The following TMED5 variants were observed in gnomAD, a reference collection of about 807,000 sequenced individuals.
The protein encoded by TMED5 is transmembrane emp24 domain-containing protein 5.
A neutral mutation model predicts 23.0 loss-of-function variants in TMED5; 27 were observed. The ratio of observed to expected loss-of-function variants is 1.17; its 90% CI spans 0.86 to 1.62. The LOEUF (loss-of-function observed/expected upper bound fraction) is 1.62. Among genes scored for constraint, TMED5 ranks in the 40% most tolerant of loss-of-function variants. The pLI, the probability that TMED5 is intolerant of heterozygous loss-of-function variation, is 0.00. For missense variants in TMED5, 248 were observed against 273.7 expected, an observed-to-expected ratio of 0.91 and a Z score of 0.66; for synonymous variants, 97 against 100.8, an observed-to-expected ratio of 0.96 and a Z score of 0.23.
At position 93,151,880 on chromosome 1, in the gene TMED5, T is replaced by C. The variant is rs1647885505; in HGVS notation, c.*2790A>G. 6.6e-6 allele frequency: 1 copy of C among 152,220 alleles called. No homozygotes were observed. The highest frequency in any genetic ancestry group is 1.5e-5 in the Non-Finnish European group (1 of 68,032). The allele number at this position is 152,220 out of a possible 1,614,324, so 9.4% of individuals were successfully genotyped here. On this transcript the variant is annotated 3_prime_UTR_variant, in exon 4 of 4. Coordinates refer to ENST00000370282, the MANE Select transcript of TMED5 (RefSeq NM_016040.5). ...TTTGATAATTTTTATTATATACATA[T>C]CAGTACTCACAATACGTTGCTTATT...
At position 93,180,208 on chromosome 1, in the gene TMED5, A is replaced by C. The variant is rs142387027; in HGVS notation, c.35T>G (p.Leu12Arg). 5.6e-6 allele frequency: 9 copies of C among 1,612,846 alleles called. No homozygotes were observed. Among genetic ancestry groups the C allele is most frequent in the Non-Finnish European group, 6.8e-6 (8 of 1,179,630 alleles). The stretch of plus-strand genomic sequence containing the variant: ...CACCGGAGGCAGAGCGGCCAGAAGG[A>C]GCACGGGGAAGGGCAGCCAGATCTT... Reference protein sequence around the residue: ...GDKIWLPFPVLLLAALPPVLL... With the variant: ...GDKIWLPFPVRLLAALPPVLL... Residue 12 changes from leucine (L) to arginine (R), a missense_variant, in exon 1 of 4, where the codon CTC (leucine) becomes CGC (arginine). By Grantham distance (102) the Leu-to-Arg change is moderately radical. Coordinates refer to ENST00000370282, the MANE Select transcript of TMED5 (RefSeq NM_016040.5).
At chr1:93,167,538 A>G (rs1342845809) in intron 1 of TMED5, among the ~76,000 whole-genome samples, 2 of 151,918 alleles carry the variant, frequency 1.3e-5, no homozygotes, top group Non-Finnish European at 2.9e-5. Flanking sequence ...TTACTTTTTA[A>G]ATGTCTTTTT....
Position 93,180,168 on chromosome 1 carries a change from C to T in TMED5, c.75G>A (p.Ala25=). ...TATCGAGGGAAGGTGTGAAGCCGGC[C>T]GCCCCAGGCAGCAGCACCGGAGGCA... ...AALPPVLLPG[A]AGFTPSLDSD... Residue 25 remains alanine (A), a synonymous_variant, in exon 1 of 4, where the codon GCG becomes GCA. Transcript: ENST00000370282. 1.2e-6 allele frequency: 2 copies of T among 1,613,202 alleles called. No individual in the cohort carries two copies. The highest frequency in any genetic ancestry group is 1.3e-5 in the African/African-American group (1 of 74,938).
In TMED5 at chr1:93,154,906, AATTTT is replaced by A. The variant is rs1417886343; in HGVS notation, c.472-23_472-19del. The stretch of plus-strand genomic sequence containing the variant: ...ATGGATTCCTGGAGATAAATAAAAT[AATTTT>A]ATTATTAAAGAATGCTCAGAAATTT... On this transcript the variant is annotated intron_variant, in intron 3 of 3. Transcript: ENST00000370282. 1 of 1,485,948 alleles carries A rather than the reference AATTTT, an allele frequency of 6.7e-7. No individual in the cohort carries two copies. Among genetic ancestry groups the A allele is most frequent in the Admixed American group, 1.9e-5 (1 of 51,608 alleles). The allele number at this position is 1,485,948 out of a possible 1,614,324, so 92.0% of individuals were successfully genotyped here.
chr1:93,170,909 G>A (rs1348060809), intron 1 of TMED5, among the ~76,000 whole-genome samples: 2 of 152,164 alleles, frequency 1.3e-5, no homozygotes, highest in Non-Finnish European at 2.9e-5. Flanking sequence ...CTGTAAAACA[G>A]ACCAATCAGC....
Position 93,153,140 on chromosome 1 carries a change from C to T in TMED5, c.*1530G>A, listed in dbSNP as rs1647935968. On this transcript the variant is annotated 3_prime_UTR_variant, in exon 4 of 4. Transcript: ENST00000370282. Reference sequence around the variant, plus strand: ...GTTTGTTTCTAACTCACAATGTAGTCATAAACAACGTTATAAATGGGCATA... The same window carrying T: ...GTTTGTTTCTAACTCACAATGTAGTTATAAACAACGTTATAAATGGGCATA... The T allele has an allele frequency of 6.6e-6, 1 of 152,552 alleles. No individual in the cohort carries two copies. Among genetic ancestry groups the T allele is most frequent in the African/African-American group, 2.4e-5 (1 of 41,440 alleles). The allele number at this position is 152,552 out of a possible 1,614,324, so 9.4% of individuals were successfully genotyped here. A position where few individuals can be genotyped will look rare whatever the true frequency, so the allele number is the denominator to read the frequency against.
At chr1:93,170,328 G>C (rs1648674611) in intron 1 of TMED5, among the ~76,000 whole-genome samples, 1 of 152,234 alleles carries the variant, frequency 6.6e-6, no homozygotes, top group Non-Finnish European at 1.5e-5. Context: ...TCGAGTTCCG[G>C]GTGGGCGTGG....
intron 1 of TMED5, among the ~76,000 whole-genome samples, chr1:93,176,540 TA>T (rs1261199012): frequency 1.7e-4 from 26 of 152,062 alleles, no homozygotes; most frequent in African/African-American, 6.3e-4. Flanking sequence ...CATATATATA[TA>T]TATTTTTTTG....
chr1:93,177,964 A>G (rs966295056), intron 1 of TMED5, among the ~76,000 whole-genome samples: 2 of 152,174 alleles, frequency 1.3e-5, no homozygotes, highest in Non-Finnish European at 2.9e-5. Context: ...TATCTTCCCT[A>G]ATATGTGTGT....
chr1:93,179,893 T>C, intron 1 of TMED5, 161 bp downstream of exon 1: 2 of 681,246 alleles, frequency 2.9e-6, no homozygotes, highest in South Asian at 2.1e-5. Flanking sequence ...AGCGAGAGCC[T>C]CGCCTCGCCT....
At chr1:93,170,362 C>A (rs1167893069) in intron 1 of TMED5, among the ~76,000 whole-genome samples, 2 of 152,176 alleles carry the variant, frequency 1.3e-5, no homozygotes, top group Non-Finnish European at 2.9e-5. Flanking sequence ...GCACTGGGAG[C>A]GGCCGGCCGG....
chr1:93,154,934 T>G (rs765390112), intron 3 of TMED5, 46 bp from the exon 4 acceptor site: 1 of 1,374,096 alleles, frequency 7.3e-7, no homozygotes. Flanking sequence ...TGCTCAGAAA[T>G]TTTAACTTAA....
intron 3 of TMED5, among the ~76,000 whole-genome samples, chr1:93,155,132 G>A (rs1209545284): frequency 1.3e-5 from 2 of 152,028 alleles, no homozygotes; most frequent in African/African-American, 4.8e-5. Flanking sequence ...AGGCTGAGGT[G>A]GGGGGATCAC....
At chr1:93,175,356 GTTT>G (rs1392585261) in intron 1 of TMED5, among the ~76,000 whole-genome samples, 3 of 142,464 alleles carry the variant, frequency 2.1e-5, no homozygotes, top group Non-Finnish European at 3.0e-5. Context: ...TGGCTTTTGA[GTTT>G]TTGTTTTTTT....
chr1:93,172,618 T>C (rs1648767344), intron 1 of TMED5, among the ~76,000 whole-genome samples: 1 of 152,006 alleles, frequency 6.6e-6, no homozygotes, highest in Non-Finnish European at 1.5e-5. Context: ...CAAGACCTCA[T>C]CTCAAAAAAG....
rs1350644714 is a variant in TMED5 at position 93,176,091 on chromosome 1, G to A, written c.189+3963C>T. Among the ~76,000 whole-genome samples, 9 of 152,088 alleles carry A rather than the reference G, an allele frequency of 5.9e-5. No homozygotes were observed. In the South Asian group the frequency reaches 1.7e-3, roughly 28 times the overall value. On this transcript the variant is annotated intron_variant, in intron 1 of 3. Transcript: ENST00000370282. ...TATAACTATTCAGTGGCGTATTACT[G>A]GTCTCTGCAAAAGACCCATATCCTT... is the stretch of plus-strand genomic sequence containing the variant.
chr1:93,180,341 G>C lies in TMED5; in HGVS notation c.-99C>G. 2.8e-6 allele frequency: 4 copies of C among 1,407,966 alleles called. No homozygotes were observed. The highest frequency in any genetic ancestry group is 3.8e-6 in the Non-Finnish European group (4 of 1,050,770). The allele number at this position is 1,407,966 out of a possible 1,614,324, so 87.2% of individuals were successfully genotyped here. ...TCCTCGTGGTTGACAGGGAAATCTG[G>C]AGTCTGAAGAAACTCCAGGTGGCGG... On this transcript the variant is annotated 5_prime_UTR_variant, in exon 1 of 4. Transcript: ENST00000370282.
chr1:93,173,783 T>C (rs1386311711), intron 1 of TMED5, among the ~76,000 whole-genome samples: 2 of 152,196 alleles, frequency 1.3e-5, no homozygotes, highest in Non-Finnish European at 2.9e-5. Flanking sequence ...ATTTGGTTTG[T>C]TTACCTATTG....
At chr1:93,157,963 A>C (rs1263156264) in intron 2 of TMED5, among the ~76,000 whole-genome samples, 1 of 151,984 alleles carries the variant, frequency 6.6e-6, no homozygotes, top group Non-Finnish European at 1.5e-5. Context: ...TCTCTACTAA[A>C]AAGACAAAAA....
Sources: gnomAD v4.1 joint callset for allele counts (sites outside exome capture counted in the v4.1 genomes callset) on GRCh38, gnomAD v4.1.1 for gene constraint, MANE v1.5 for transcripts, NCBI Gene and HGNC (gene_info 2026-07-23, HGNC 2026-07-21) for gene names.